Variants in NAALADL2 observed in about 807,000 individuals in gnomAD.
NAALADL2 encodes N-acetylated alpha-linked acidic dipeptidase like 2, also known as inactive N-acetylated-alpha-linked acidic dipeptidase-like protein 2.
A neutral mutation model predicts 87.2 loss-of-function variants in NAALADL2; 76 were observed. The observed-to-expected ratio is 0.87, with a 90% confidence interval of 0.72 to 1.05. NAALADL2 has a LOEUF of 1.05. Among genes scored for constraint, NAALADL2 ranks in the 50% least tolerant of loss-of-function variants. The pLI is 0.00. For missense variants in NAALADL2, 1,089 were observed against 945.8 expected (o/e 1.15, Z -1.99); for synonymous variants, 354 against 331.0 (o/e 1.07, Z -0.75).
intron 4 of NAALADL2, among the ~76,000 whole-genome samples, chr3:175,297,281 C>G (rs2110191775): frequency 6.6e-6 from 1 of 152,280 alleles, no homozygotes; most frequent in East Asian, 1.9e-4. Context: ...ACATAGCACT[C>G]CTATGTTTTA....
intron 3 of NAALADL2, among the ~76,000 whole-genome samples, chr3:174,812,460 T>A (rs1720323124): frequency 6.6e-6 from 1 of 152,240 alleles, no homozygotes; most frequent in African/African-American, 2.4e-5. Context: ...TACGTAATAC[T>A]TGATAATGAT....
At chr3:174,696,225 AATATT>A (rs1246075955) in intron 2 of NAALADL2, among the ~76,000 whole-genome samples, 16 of 152,020 alleles carry the variant, frequency 1.1e-4, no homozygotes, top group African/African-American at 3.9e-4. Flanking sequence ...CTTATAAATT[AATATT>A]ATAAAGTAGA....
intron 10 of NAALADL2, among the ~76,000 whole-genome samples, chr3:175,626,925 CAGACCAA>C (rs749861945): frequency 5.9e-5 from 9 of 151,938 alleles, no homozygotes; most frequent in South Asian, 2.1e-4. Flanking sequence ...TCTTGAACTT[CAGACCAA>C]TATAGTCACA....
At chr3:174,989,435 A>G (rs529001664) in intron 1 of NAALADL2, among the ~76,000 whole-genome samples, 7 of 152,170 alleles carry the variant, frequency 4.6e-5, no homozygotes, top group South Asian at 2.1e-4. Context: ...TGGTGTTTCA[A>G]TTTTTTCATA....
chr3:174,882,925 A>T (rs558540155), intron 1 of NAALADL2, among the ~76,000 whole-genome samples: 1 of 151,046 alleles, frequency 6.6e-6, no homozygotes, highest in African/African-American at 2.4e-5. Flanking sequence ...TTGTATATAT[A>T]TGTATATATA....
intron 5 of NAALADL2, among the ~76,000 whole-genome samples, chr3:175,432,545 G>C (rs1250162443): frequency 1.3e-5 from 2 of 151,878 alleles, no homozygotes; most frequent in Non-Finnish European, 2.9e-5. Flanking sequence ...GGTTAACCTT[G>C]GCTCCTTGCC....
intron 3 of NAALADL2, among the ~76,000 whole-genome samples, chr3:174,805,994 G>A (rs757645772): frequency 8.5e-5 from 13 of 152,206 alleles, no homozygotes; most frequent in South Asian, 2.1e-4. Flanking sequence ...TTCTGCCTCC[G>A]TAGCAGCAGC....
intron 1 of NAALADL2, chr3:174,513,596 A>G (rs1719746319): frequency 6.6e-6 from 1 of 152,136 alleles, no homozygotes; most frequent in Non-Finnish European, 1.5e-5. Flanking sequence ...CATATTGTCA[A>G]TATTGCTGCT....
At chr3:175,555,138 T>C (rs1213352051) in intron 9 of NAALADL2, among the ~76,000 whole-genome samples, 1 of 152,200 alleles carries the variant, frequency 6.6e-6, no homozygotes, top group African/African-American at 2.4e-5. Context: ...TTTTTGTTTC[T>C]GTTTTGCCTT....
chr3:175,031,497 A>G (rs1255559336), intron 1 of NAALADL2, among the ~76,000 whole-genome samples: 1 of 152,018 alleles, frequency 6.6e-6, no homozygotes, highest in Non-Finnish European at 1.5e-5. Flanking sequence ...TGTGTACCAC[A>G]TTTTCTTTAT....
At chr3:174,800,035 A>C (rs567307428) in intron 3 of NAALADL2, among the ~76,000 whole-genome samples, 326 of 152,300 alleles carry the variant, frequency 2.1e-3, no homozygotes, top group African/African-American at 7.7e-3. Context: ...AAAGCATTCA[A>C]GATGTGAGTT....
intron 10 of NAALADL2, among the ~76,000 whole-genome samples, chr3:175,599,630 T>C (rs889103379): frequency 6.6e-5 from 10 of 152,178 alleles, no homozygotes; most frequent in Non-Finnish European, 1.0e-4. Context: ...ATCCTCACTG[T>C]AGTTTCTTTT....
chr3:174,710,782 C>T (rs918868706), intron 2 of NAALADL2, among the ~76,000 whole-genome samples: 3 of 152,120 alleles, frequency 2.0e-5, no homozygotes, highest in Non-Finnish European at 4.4e-5. Context: ...CTGCCAGCAA[C>T]AAGAATGAAC....
At chr3:175,652,579 C>T (rs928223219) in intron 11 of NAALADL2, among the ~76,000 whole-genome samples, 1 of 150,012 alleles carries the variant, frequency 6.7e-6, no homozygotes, top group Admixed American at 6.7e-5. Flanking sequence ...CCCGGGTTCA[C>T]GCCATTCTCC....
intron 2 of NAALADL2, among the ~76,000 whole-genome samples, chr3:174,723,722 C>T (rs560834926): frequency 7.8e-6 from 1 of 128,964 alleles, no homozygotes; most frequent in South Asian, 2.5e-4. Flanking sequence ...CGCCACTGCA[C>T]TCCAGCCTGG....
rs544372366 is a variant in NAALADL2, at chr3:175,471,644, C to A, written c.1539C>A (p.Phe513Leu). Residue 513 changes from phenylalanine (F) to leucine (L), a missense_variant, in exon 9 of 14, where the codon TTC becomes TTA. By Grantham distance (22) the Phe-to-Leu change is conservative (BLOSUM62 0). Transcript: ENST00000454872. ...NIGSYEWGED[F>L]KKVLQKNVVA... is the part of the protein sequence containing the mutation. ...TTTTTTTTTTGTTATTTCAGGATTT[C>A]AAGAAGGTTCTTCAGAAAAATGTTG... 97 of 1,468,972 alleles carry A rather than the reference C, an allele frequency of 6.6e-5. 1 individual carries two copies. In the South Asian group the frequency reaches 1.1e-3, roughly 17 times the overall value. The allele number at this position is 1,468,972 out of a possible 1,614,324, so 91.0% of individuals were successfully genotyped here.
chr3:175,451,275 A>G (rs983589644), intron 6 of NAALADL2, among the ~76,000 whole-genome samples: 3 of 152,124 alleles, frequency 2.0e-5, no homozygotes, highest in African/African-American at 7.2e-5. Flanking sequence ...CATGCATGAG[A>G]TAGGCTCAGC....
intron 13 of NAALADL2, among the ~76,000 whole-genome samples, chr3:175,763,029 A>G (rs1748237966): frequency 6.6e-6 from 1 of 152,150 alleles, no homozygotes; most frequent in African/African-American, 2.4e-5. Flanking sequence ...GCTTGCAGTG[A>G]GCCGAGATGG....
chr3:175,076,044 A>G (rs996729239), intron 1 of NAALADL2, among the ~76,000 whole-genome samples: 6 of 151,996 alleles, frequency 3.9e-5, no homozygotes, highest in Non-Finnish European at 7.4e-5. Context: ...CCTGGGCAAC[A>G]TGGCAAAATT....
Sources: gnomAD v4.1 joint callset for allele counts (sites outside exome capture counted in the v4.1 genomes callset) on GRCh38, gnomAD v4.1.1 for gene constraint, MANE v1.5 for transcripts, NCBI Gene and HGNC (gene_info 2026-07-23, HGNC 2026-07-21) for gene names.